The following PRKCB variants were observed in gnomAD, a reference collection of about 807,000 sequenced individuals.
The protein encoded by PRKCB is protein kinase C beta, also known as protein kinase C beta type.
A neutral mutation model predicts 81.5 loss-of-function variants in PRKCB; 13 were observed. The ratio of observed to expected loss-of-function variants is 0.16; its 90% CI spans 0.10 to 0.25. PRKCB has a LOEUF of 0.25. Among genes scored for constraint, PRKCB ranks in the 10% least tolerant of loss-of-function variants. The pLI is 1.00. For missense variants in PRKCB, 509 were observed against 875.7 expected (o/e 0.58, Z 5.29); for synonymous variants, 335 against 321.4 (o/e 1.04, Z -0.45).
intron 2 of PRKCB, among the ~76,000 whole-genome samples, chr16:23,925,066 C>T (rs1167230398): frequency 6.6e-6 from 1 of 152,048 alleles, no homozygotes; most frequent in African/African-American, 2.4e-5. Flanking sequence ...TTGATTGGCA[C>T]ATCTGGGGTA....
chr16:23,873,204 A>AGAT lies in PRKCB; in HGVS notation c.205+35798_205+35799insGAT, dbSNP rs1450405494. On this transcript the variant is annotated intron_variant, in intron 2 of 16. Coordinates refer to ENST00000643927, the MANE Select transcript of PRKCB (RefSeq NM_002738.7). ...CACACACACACAAAAAAAAAAAAAA[A>AGAT]AAAAAGAAAAAAAAAGTTAGCTGAG... Among the ~76,000 whole-genome samples the AGAT allele has an allele frequency of 2.5e-3, 352 of 140,846 alleles. 3 individuals are homozygous for AGAT. The highest frequency in any genetic ancestry group is 4.8e-3 in the South Asian group (20 of 4,156). 92.4% of individuals were successfully genotyped at this position (140,846 alleles called of 152,430 possible).
intron 2 of PRKCB, among the ~76,000 whole-genome samples, chr16:23,882,065 C>CT (rs1963131775): frequency 1.3e-5 from 1 of 76,236 alleles, no homozygotes. Context: ...TTCTTCCTTT[C>CT]CTTTCTTTCT....
chr16:24,217,045 A>ACCT lies in PRKCB; in HGVS notation c.*2229_*2230insCCT. On this transcript the variant is annotated 3_prime_UTR_variant, in exon 17 of 17. Coordinates refer to ENST00000643927, the MANE Select transcript of PRKCB (RefSeq NM_002738.7). ...AGAAACACTAGGCCATTGACAAATG[A>ACCT]TCTGAGACAACTTTAGAAAACAATG... The ACCT allele has an allele frequency of 2.0e-6, 2 of 985,242 alleles. No individual in the cohort carries two copies. The highest frequency in any genetic ancestry group is 2.4e-6 in the Non-Finnish European group (2 of 829,912). The allele number at this position is 985,242 out of a possible 1,614,324, so 61.0% of individuals were successfully genotyped here. A position where few individuals can be genotyped will look rare whatever the true frequency, so the allele number is the denominator to read the frequency against.
At chr16:23,878,045 GC>G (rs1346528487) in intron 2 of PRKCB, among the ~76,000 whole-genome samples, 1 of 152,060 alleles carries the variant, frequency 6.6e-6, no homozygotes, top group African/African-American at 2.4e-5. Context: ...CGTTGGCCAG[GC>G]CGGTCTTGAA....
At chr16:23,930,476 G>A (rs1251731799) in intron 2 of PRKCB, among the ~76,000 whole-genome samples, 2 of 152,040 alleles carry the variant, frequency 1.3e-5, no homozygotes, top group African/African-American at 2.4e-5. Flanking sequence ...GGCTGAGGTG[G>A]GAGAACTACT....
intron 2 of PRKCB, among the ~76,000 whole-genome samples, chr16:23,987,186 A>G (rs1377944080): frequency 1.3e-5 from 2 of 152,206 alleles, no homozygotes; most frequent in Non-Finnish European, 2.9e-5. Flanking sequence ...TGGCACATGT[A>G]TACCTGTGTA....
intron 2 of PRKCB, among the ~76,000 whole-genome samples, chr16:23,970,573 C>T (rs1964542814): frequency 6.6e-6 from 1 of 152,214 alleles, no homozygotes; most frequent in East Asian, 1.9e-4. Context: ...CTTCAAAGGG[C>T]AGAATATGAC....
intron 2 of PRKCB, among the ~76,000 whole-genome samples, chr16:23,981,586 T>TTCCC: frequency 1.3e-5 from 2 of 149,912 alleles, no homozygotes; most frequent in Non-Finnish European, 3.0e-5. Context: ...TTTCCTTTCC[T>TTCCC]TTCCTTCCCT....
At chr16:24,174,493 G>GT in intron 11 of PRKCB, 25 bp from the exon 12 acceptor site, 3 of 1,374,776 alleles carry the variant, frequency 2.2e-6, no homozygotes, top group Non-Finnish European at 2.0e-6. Context: ...TTTCTCCATC[G>GT]CTTTTTTTTT....
At chr16:23,836,369 C>A in intron 1 of PRKCB, 21 bp downstream of exon 1, 1 of 1,592,738 alleles carries the variant, frequency 6.3e-7, no homozygotes, top group Non-Finnish European at 8.5e-7. Flanking sequence ...GCGCGCAGGG[C>A]ACCTTCCCGG....
intron 2 of PRKCB, among the ~76,000 whole-genome samples, chr16:23,888,049 G>A (rs1468499595): frequency 6.6e-6 from 1 of 152,174 alleles, no homozygotes; most frequent in Non-Finnish European, 1.5e-5. Flanking sequence ...AATCTGACTT[G>A]CTGAACTCTC....
intron 2 of PRKCB, among the ~76,000 whole-genome samples, chr16:23,897,959 C>T (rs762226584): frequency 2.6e-5 from 4 of 151,966 alleles, no homozygotes; most frequent in Non-Finnish European, 4.4e-5. Flanking sequence ...AGTGCAATGG[C>T]GTGATCTCGG....
intron 2 of PRKCB, among the ~76,000 whole-genome samples, chr16:23,854,317 A>G (rs1177169383): frequency 1.3e-5 from 2 of 152,110 alleles, no homozygotes; most frequent in South Asian, 2.1e-4. Flanking sequence ...CAACAAATCA[A>G]TTATCTATTG....
At chr16:23,856,618 G>T (rs1962573572) in intron 2 of PRKCB, among the ~76,000 whole-genome samples, 1 of 151,436 alleles carries the variant, frequency 6.6e-6, no homozygotes, top group African/African-American at 2.4e-5. Context: ...CAACCTCCCA[G>T]GCCCAAGAGA....
chr16:23,938,603 T>C (rs1385405791), intron 2 of PRKCB, among the ~76,000 whole-genome samples: 2 of 152,214 alleles, frequency 1.3e-5, no homozygotes, highest in Non-Finnish European at 1.5e-5. Flanking sequence ...AAATGAAGAC[T>C]GGGAAGTAGA....
chr16:24,108,047 G>T (rs143742389), intron 7 of PRKCB, among the ~76,000 whole-genome samples: 1 of 152,068 alleles, frequency 6.6e-6, no homozygotes, highest in Admixed American at 6.5e-5. Context: ...CTTGCTCTTC[G>T]CTGATCTCCC....
chr16:24,134,913 A>G (rs532475211), intron 9 of PRKCB, among the ~76,000 whole-genome samples: 2 of 152,264 alleles, frequency 1.3e-5, no homozygotes, highest in East Asian at 3.9e-4. Flanking sequence ...CCTGTCTCTT[A>G]TATATTTAGA....
rs963841793 is a variant in PRKCB, at chr16:23,845,930, AAGAG to A, written c.205+8529_205+8532del. Among the ~76,000 whole-genome samples the A allele has an allele frequency of 2.6e-5, 4 of 152,300 alleles. No homozygotes were observed. In the East Asian group the frequency reaches 5.8e-4, roughly 22 times the overall value. On this transcript the variant is annotated intron_variant, in intron 2 of 16. Coordinates refer to ENST00000643927, the MANE Select transcript of PRKCB (RefSeq NM_002738.7). Reference sequence around the variant, plus strand: ...GGCCAATAGATTGAAAATAAATAAAAAGAGAGAGCACGGCATTTCAGTGAGAGGC... The same window carrying A: ...GGCCAATAGATTGAAAATAAATAAAAAGAGCACGGCATTTCAGTGAGAGGC...
chr16:24,021,560 G>A lies in PRKCB; in HGVS notation c.289-10576G>A, dbSNP rs541280101. ...GGCCGGTGCTGAATTTGTGTGAGAT[G>A]AAGAGTGTTATTGTCTATAACCCCC... is the stretch of plus-strand genomic sequence containing the variant. On this transcript the variant is annotated intron_variant, in intron 3 of 16. Transcript: ENST00000643927. Among the ~76,000 whole-genome samples the A allele has an allele frequency of 3.3e-5, 5 of 152,004 alleles. No individual in the cohort carries two copies. The South Asian group carries it at 8.3e-4, about 25-fold the overall frequency.
Sources: gnomAD v4.1 joint callset for allele counts (sites outside exome capture counted in the v4.1 genomes callset) on GRCh38, gnomAD v4.1.1 for gene constraint, MANE v1.5 for transcripts, NCBI Gene and HGNC (gene_info 2026-07-23, HGNC 2026-07-21) for gene names.